Variants in EPHA4 observed in about 807,000 individuals in gnomAD.
EPHA4 encodes ephrin type-A receptor 4.
Under a neutral mutation model 108.3 loss-of-function variants are expected in EPHA4, and 19 were observed. The observed-to-expected ratio is 0.18, with a 90% CI of 0.12 to 0.26. The LOEUF is 0.26. Ranked by LOEUF, EPHA4 falls within the 10% of genes least tolerant of loss-of-function variation. The pLI, the probability that EPHA4 is intolerant of heterozygous loss-of-function variation, is 1.00. For missense variants in EPHA4, 917 were observed against 1,254.0 expected (o/e 0.73, Z 4.06); for synonymous variants, 449 against 455.5 (o/e 0.99, Z 0.18).
At chr2:221,431,798 T>C (rs185717682) in intron 14 of EPHA4, among the ~76,000 whole-genome samples, 2 of 152,344 alleles carry the variant, frequency 1.3e-5, no homozygotes, top group Admixed American at 1.3e-4. Flanking sequence ...GCTTGGAAGA[T>C]GGCTCATAGG....
Position 221,443,079 on chromosome 2 carries a change from AACATT to A in EPHA4, c.1889-70_1889-66del, listed in dbSNP as rs113074483. The A allele has an allele frequency of 4.1e-3, 6,249 of 1,526,168 alleles. 225 individuals carry two copies. In the African/African-American group the frequency reaches 0.076, roughly 19 times the overall value. 94.5% of individuals were successfully genotyped at this position (1,526,168 alleles called of 1,614,324 possible). ...CATTCAAGATGAAAGAATAACAGCTAACATTCCTTGAGTGCTTGTTACACGCCAGG... is the reference window on the plus strand; with the variant it reads ...CATTCAAGATGAAAGAATAACAGCTACCTTGAGTGCTTGTTACACGCCAGG... On this transcript the variant is annotated intron_variant, in intron 10 of 17. Coordinates refer to ENST00000281821, the MANE Select transcript of EPHA4 (RefSeq NM_004438.5).
chr2:221,547,644 T>C (rs571383329), intron 3 of EPHA4, among the ~76,000 whole-genome samples: 1 of 152,342 alleles, frequency 6.6e-6, no homozygotes, highest in Non-Finnish European at 1.5e-5. Flanking sequence ...TACGGGGCAC[T>C]CTTAACAAGT....
intron 5 of EPHA4, among the ~76,000 whole-genome samples, chr2:221,481,092 G>A (rs1231316293): frequency 6.6e-6 from 1 of 152,084 alleles, no homozygotes; most frequent in Non-Finnish European, 1.5e-5. Flanking sequence ...AAATAAAAAA[G>A]CCGGCAATGT....
chr2:221,520,541 C>CAG (rs1399104793), intron 3 of EPHA4, among the ~76,000 whole-genome samples: 8 of 34,944 alleles, frequency 2.3e-4, no homozygotes, highest in African/African-American at 1.2e-3. Context: ...CACACACACA[C>CAG]ACAGAGAGAG....
intron 3 of EPHA4, among the ~76,000 whole-genome samples, chr2:221,517,945 G>A (rs1216788421): frequency 2.0e-5 from 3 of 152,160 alleles, no homozygotes; most frequent in South Asian, 2.1e-4. Flanking sequence ...GATTCAAACC[G>A]GAACTAAGGG....
intron 3 of EPHA4, among the ~76,000 whole-genome samples, chr2:221,512,801 G>A (rs1300996914): frequency 6.6e-6 from 1 of 152,168 alleles, no homozygotes; most frequent in Non-Finnish European, 1.5e-5. Context: ...CATAATAACA[G>A]TAATGGCAAT....
chr2:221,490,694 G>A (rs1376154519), intron 4 of EPHA4, among the ~76,000 whole-genome samples: 1 of 152,148 alleles, frequency 6.6e-6, no homozygotes, highest in Non-Finnish European at 1.5e-5. Context: ...CTTCAGATAA[G>A]CCTTTGTTGT....
chr2:221,493,436 A>T lies in EPHA4; in HGVS notation c.979+7581T>A, dbSNP rs2106150884. On this transcript the variant is annotated intron_variant, in intron 4 of 17. Transcript: ENST00000281821. ...ATGGATGTGAGATTCCCAAAATTAA[A>T]GCCCTTAAAAAAATAAAAAATAAAA... Among the ~76,000 whole-genome samples the T allele has an allele frequency of 2.6e-5, 4 of 152,204 alleles. 1 individual carries two copies. In the South Asian group the frequency reaches 8.3e-4, roughly 32 times the overall value.
At chr2:221,430,250 G>T in intron 14 of EPHA4, 99 bp from the exon 15 acceptor site, 1 of 1,245,102 alleles carries the variant, frequency 8.0e-7, no homozygotes, top group Non-Finnish European at 1.1e-6. Context: ...GAAGCTGCCA[G>T]CAAGCTGGAG....
At chr2:221,468,570 G>A (rs1039408336) in intron 5 of EPHA4, among the ~76,000 whole-genome samples, 2 of 152,084 alleles carry the variant, frequency 1.3e-5, no homozygotes, top group African/African-American at 4.8e-5. Context: ...GCTTTCTGAC[G>A]TCCAAAGCAT....
intron 3 of EPHA4, among the ~76,000 whole-genome samples, chr2:221,518,800 C>A (rs188533358): frequency 4.7e-4 from 71 of 152,208 alleles, no homozygotes; most frequent in African/African-American, 1.4e-3. Flanking sequence ...AATCCTAACA[C>A]GGGTAAGCAA....
chr2:221,505,772 A>C (rs1692611594), intron 3 of EPHA4, among the ~76,000 whole-genome samples: 1 of 152,212 alleles, frequency 6.6e-6, no homozygotes, highest in Admixed American at 6.5e-5. Flanking sequence ...TACTCTTGCA[A>C]ACGCAGGGTG....
At chr2:221,532,149 G>T (rs952497391) in intron 3 of EPHA4, among the ~76,000 whole-genome samples, 2 of 150,906 alleles carry the variant, frequency 1.3e-5, no homozygotes, top group Non-Finnish European at 2.9e-5. Context: ...TTGAGACAGG[G>T]TCTCACTCTG....
chr2:221,546,171 T>G (rs1693992446), intron 3 of EPHA4, among the ~76,000 whole-genome samples: 2 of 152,126 alleles, frequency 1.3e-5, no homozygotes, highest in African/African-American at 4.8e-5. Flanking sequence ...CATTCAAGCC[T>G]ATATGGGGAT....
At chr2:221,557,691 T>TA (rs34175837) in intron 3 of EPHA4, among the ~76,000 whole-genome samples, 1 of 151,994 alleles carries the variant, frequency 6.6e-6, no homozygotes, top group Non-Finnish European at 1.5e-5. Context: ...AAACACGATT[T>TA]AAAAAGGACC....
At chr2:221,529,818 A>G (rs1693453708) in intron 3 of EPHA4, among the ~76,000 whole-genome samples, 1 of 152,164 alleles carries the variant, frequency 6.6e-6, no homozygotes, top group African/African-American at 2.4e-5. Flanking sequence ...CAAAGCAAAC[A>G]ACTTTTGTTT....
At chr2:221,518,428 C>T (rs142687687) in intron 3 of EPHA4, among the ~76,000 whole-genome samples, 6 of 152,298 alleles carry the variant, frequency 3.9e-5, no homozygotes, top group Admixed American at 1.3e-4. Context: ...TTGCAGAACA[C>T]ACTCTCAGAT....
At chr2:221,538,729 T>G (rs1693743941) in intron 3 of EPHA4, among the ~76,000 whole-genome samples, 1 of 152,226 alleles carries the variant, frequency 6.6e-6, no homozygotes, top group Admixed American at 6.5e-5. Context: ...ATTTCTAGTA[T>G]TGTGACAAAT....
intron 8 of EPHA4, among the ~76,000 whole-genome samples, chr2:221,452,749 G>T (rs1011133665): frequency 1.3e-5 from 2 of 151,890 alleles, no homozygotes; most frequent in African/African-American, 4.8e-5. Context: ...AGGAATCATC[G>T]CTAGGTAACT....
Sources: gnomAD v4.1 joint callset for allele counts (sites outside exome capture counted in the v4.1 genomes callset) on GRCh38, gnomAD v4.1.1 for gene constraint, MANE v1.5 for transcripts, NCBI Gene and HGNC (gene_info 2026-07-23, HGNC 2026-07-21) for gene names.